XDH: variants seen among roughly 807,000 people sequenced by gnomAD.
The protein encoded by XDH is xanthine dehydrogenase/oxidase.
A neutral mutation model predicts 156.1 loss-of-function variants in XDH; 138 were observed. That is an observed-to-expected ratio of 0.88 (90% CI 0.77 to 1.02). XDH has a LOEUF of 1.02. Among genes scored for constraint, XDH ranks in the 50% least tolerant of loss-of-function variants. The pLI, the probability that XDH is intolerant of heterozygous loss-of-function variation, is 0.00. For missense variants in XDH, 1,849 were observed against 1,684.9 expected, an observed-to-expected ratio of 1.10 and a Z score of -1.71; for synonymous variants, 669 against 625.7, an observed-to-expected ratio of 1.07 and a Z score of -1.03.
chr2:31,398,817 A>C, intron 4 of XDH, 118 bp from the exon 5 acceptor site: 1 of 1,523,980 alleles, frequency 6.6e-7, no homozygotes. Context: ...CACTGCACAG[A>C]GTCAAGCCCC....
In XDH at chr2:31,343,310, A is replaced by ATATATATATATGCATGTT. The variant is rs1553411671; in HGVS notation, c.3405-1014_3405-1013insAACATGCATATATATATA. On this transcript the variant is annotated intron_variant, in intron 31 of 35. Transcript: ENST00000379416. ...CATATATATATATATATATATATAT[A>ATATATATATATGCATGTT]TATATATATATATATATGCATGTTT... 9.7e-3 allele frequency among the ~76,000 whole-genome samples: 989 copies of ATATATATATATGCATGTT among 101,764 alleles called. 8 individuals carry two copies. The highest frequency in any genetic ancestry group is 0.012 in the Non-Finnish European group (605 of 51,322). 66.8% of individuals were successfully genotyped at this position (101,764 alleles called of 152,430 possible). A position where few individuals can be genotyped will look rare whatever the true frequency, so the allele number is the denominator to read the frequency against.
At chr2:31,384,003 A>G in intron 9 of XDH, 156 bp from the exon 10 acceptor site, 1 of 734,796 alleles carries the variant, frequency 1.4e-6, no homozygotes, top group Non-Finnish European at 2.4e-6. Context: ...TAGGAAACTC[A>G]GTAGACCAGG....
At chr2:31,340,720 T>C (rs901449436) in intron 33 of XDH, among the ~76,000 whole-genome samples, 2 of 152,206 alleles carry the variant, frequency 1.3e-5, no homozygotes, top group Admixed American at 6.5e-5. Context: ...TCTGCCTGCC[T>C]CGGCCTCCCA....
intron 24 of XDH, among the ~76,000 whole-genome samples, chr2:31,360,925 G>A (rs919430632): frequency 6.6e-6 from 1 of 152,228 alleles, no homozygotes; most frequent in East Asian, 1.9e-4. Flanking sequence ...ATCTCTTGCA[G>A]ATAAGGGGAG....
Position 31,335,248 on chromosome 2 carries a change from A to C in XDH, c.*710T>G, listed in dbSNP as rs944696457. 3 of 149,908 alleles carry C rather than the reference A, an allele frequency of 2.0e-5. No individual in the cohort carries two copies. The South Asian group carries it at 6.3e-4, about 32-fold the overall frequency. 9.3% of individuals were successfully genotyped at this position (149,908 alleles called of 1,614,324 possible). A position where few individuals can be genotyped will look rare whatever the true frequency, so the allele number is the denominator to read the frequency against. On this transcript the variant is annotated 3_prime_UTR_variant, in exon 36 of 36. Coordinates refer to ENST00000379416, the MANE Select transcript of XDH (RefSeq NM_000379.4). ...AACATAATCTTTTTTGTAAATACTC[A>C]AAGAGTATTTGGAATACAAATATTC...
intron 29 of XDH, among the ~76,000 whole-genome samples, 158 bp from the exon 30 acceptor site, chr2:31,347,001 A>C (rs1488574223): frequency 6.6e-6 from 1 of 152,198 alleles, no homozygotes; most frequent in African/African-American, 2.4e-5. Context: ...ATCAAGGCCC[A>C]GGGTAGAATC....
At chr2:31,409,880 C>G (rs1687294256) in intron 1 of XDH, among the ~76,000 whole-genome samples, 1 of 152,176 alleles carries the variant, frequency 6.6e-6, no homozygotes, top group Non-Finnish European at 1.5e-5. Context: ...TCCAGCAATT[C>G]CACTTCTGGA....
At position 31,352,128 on chromosome 2, in the gene XDH, T is replaced by C. The variant is rs142138334; in HGVS notation, c.2632-1905A>G. 4.8e-3 allele frequency among the ~76,000 whole-genome samples: 737 copies of C among 152,294 alleles called. 8 individuals are homozygous for C. Among genetic ancestry groups the C allele is most frequent in the African/African-American group, 0.016 (686 of 41,584 alleles). On this transcript the variant is annotated intron_variant, in intron 24 of 35. Transcript: ENST00000379416. ...CTGAAATGTCTATGATTTGGACCTCTTGAACTGATCCTCAAAATTTTTTTG... is the reference window on the plus strand; with the variant it reads ...CTGAAATGTCTATGATTTGGACCTCCTGAACTGATCCTCAAAATTTTTTTG...
At position 31,387,817 on chromosome 2, in the gene XDH, C is replaced by T. The variant is rs776942188; in HGVS notation, c.645G>A (p.Glu215=). 8 of 1,581,124 alleles carry T rather than the reference C, an allele frequency of 5.1e-6. No homozygotes were observed. The highest frequency in any genetic ancestry group is 6.9e-6 in the Non-Finnish European group (8 of 1,163,540). The change falls in exon 8 of 36, where the codon GAG becomes GAA. Residue 215 remains glutamate (E), a synonymous_variant. Transcript: ENST00000379416. ...DPTQEPIFPP[E]LLRLKDTPRK... Reference sequence around the variant, plus strand: ...TCCCTGAGGCATCACCTACCAGCAACTCTGGGGGAAAAATGGGCTCCTGGG... The same window carrying T: ...TCCCTGAGGCATCACCTACCAGCAATTCTGGGGGAAAAATGGGCTCCTGGG...
intron 5 of XDH, 85 bp from the exon 6 acceptor site, chr2:31,397,814 G>C: frequency 6.7e-7 from 1 of 1,496,642 alleles, no homozygotes; most frequent in Non-Finnish European, 9.3e-7. Context: ...AACTAAGTTG[G>C]GTGCTCTCTT....
intron 32 of XDH, 87 bp downstream of exon 32, chr2:31,342,096 A>G (rs1214500831): frequency 4.8e-6 from 6 of 1,240,024 alleles, no homozygotes; most frequent in African/African-American, 1.5e-5. Flanking sequence ...CCAACCAGAA[A>G]TCTTGTCTCT....
chr2:31,372,270 G>A lies in XDH; in HGVS notation c.1814C>T (p.Ser605Phe). 1 of 1,614,252 alleles carries A rather than the reference G, an allele frequency of 6.2e-7. No homozygotes were observed. Among genetic ancestry groups the A allele is most frequent in the Non-Finnish European group, 8.5e-7 (1 of 1,180,046 alleles). The change falls in exon 17 of 36, where the codon TCT becomes TTT. Residue 605 changes from serine (S) to phenylalanine (F), a missense_variant. Transcript: ENST00000379416. The part of the protein sequence containing the change: ...DDIPRYENEL[S>F]LRLVTSTRAH... ...CCGGGTGCTGGTGACCAGCCGGAGAGACAGCTCATTCTCGTAGCGAGGAAT... is the reference window on the plus strand; with the variant it reads ...CCGGGTGCTGGTGACCAGCCGGAGAAACAGCTCATTCTCGTAGCGAGGAAT...
intron 1 of XDH, among the ~76,000 whole-genome samples, chr2:31,411,241 A>T (rs369704541): frequency 1.5e-4 from 22 of 150,576 alleles, no homozygotes; most frequent in African/African-American, 5.1e-4. Flanking sequence ...AGATCGCGCC[A>T]CTGCACTCCA....
Position 31,383,078 on chromosome 2 carries a change from C to A in XDH, c.961G>T (p.Ala321Ser). 1 of 1,614,188 alleles carries A rather than the reference C, an allele frequency of 6.2e-7. No homozygotes were observed. Among genetic ancestry groups the A allele is most frequent in the Non-Finnish European group, 8.5e-7 (1 of 1,180,042 alleles). Residue 321 changes from alanine (A) to serine (S), a missense_variant, in exon 11 of 36, where the codon GCC becomes TCC. Transcript: ENST00000379416. ...CCTCTGAACACCTCTGTCTTTTGGG[C>A]AGGAAGCTTAGCAACAGCATCCACC... ...TLVDAVAKLP[A>S]QKTEVFRGVL...
intron 24 of XDH, 64 bp from the exon 25 acceptor site, chr2:31,350,287 G>C (rs929983634): frequency 1.3e-6 from 2 of 1,536,454 alleles, no homozygotes; most frequent in African/African-American, 2.8e-5. Flanking sequence ...CCTCAAAGTA[G>C]GAACTTTGAG....
intron 30 of XDH, among the ~76,000 whole-genome samples, 165 bp downstream of exon 30, chr2:31,346,604 G>T (rs1685300738): frequency 6.6e-6 from 1 of 152,166 alleles, no homozygotes; most frequent in South Asian, 2.1e-4. Context: ...GACCCAGCCA[G>T]AATGAGCATT....
chr2:31,347,549 G>T lies in XDH; in HGVS notation c.3249C>A (p.Ser1083Arg). 6.2e-7 allele frequency: 1 copy of T among 1,614,108 alleles called. No homozygotes were observed. The highest frequency in any genetic ancestry group is 8.5e-7 in the Non-Finnish European group (1 of 1,180,024). ...AGACGGCCTGTCCATTGAGGTCAGCGCTGACAGAGGCAGCCGTGGGAGAGG... is the reference window on the plus strand; with the variant it reads ...AGACGGCCTGTCCATTGAGGTCAGCTCTGACAGAGGCAGCCGTGGGAGAGG... Reference protein sequence around the residue: ...PNTSPTAASVSADLNGQAVYA... With the variant: ...PNTSPTAASVRADLNGQAVYA... Residue 1083 changes from serine (S) to arginine (R), a missense_variant, in exon 29 of 36, where the codon AGC (serine) becomes AGA (arginine). Physicochemically the swap from Ser to Arg is moderately radical, Grantham distance 110. Coordinates refer to ENST00000379416, the MANE Select transcript of XDH (RefSeq NM_000379.4).
chr2:31,376,004 G>T (rs1162486395), intron 14 of XDH, among the ~76,000 whole-genome samples: 1 of 152,152 alleles, frequency 6.6e-6, no homozygotes, highest in Non-Finnish European at 1.5e-5. Flanking sequence ...TCCAAGTTAA[G>T]CTTTATTGAT....
At chr2:31,384,079 A>G (rs1686515534) in intron 9 of XDH, 1 of 525,654 alleles carries the variant, frequency 1.9e-6, no homozygotes, top group Non-Finnish European at 3.5e-6. Context: ...CTCTCAAAAA[A>G]CCTACCTGAA....
Sources: allele counts gnomAD v4.1 joint callset (sites outside exome capture counted in the v4.1 genomes callset), GRCh38; gene constraint gnomAD v4.1.1; transcripts MANE v1.5; gene names NCBI Gene and HGNC (gene_info 2026-07-23, HGNC 2026-07-21).